Variants in MBD2 observed in about 807,000 individuals in gnomAD.
MBD2 encodes methyl-CpG-binding domain protein 2.
MBD2 carries 9 observed loss-of-function variants against 39.3 expected under a neutral mutation model. The ratio of observed to expected loss-of-function variants is 0.23; its 90% CI spans 0.14 to 0.40. MBD2 has a LOEUF of 0.40. Ranked by LOEUF, MBD2 falls within the 10% of genes least tolerant of loss-of-function variation. MBD2 has a pLI of 1.00. For synonymous variants in MBD2, 233 were observed against 211.1 expected (o/e 1.10, Z -0.90); for missense variants, 458 against 532.6 (o/e 0.86, Z 1.38).
intron 1 of MBD2, among the ~76,000 whole-genome samples, chr18:54,206,921 A>G (rs2086454666): frequency 6.6e-6 from 1 of 152,200 alleles, no homozygotes; most frequent in African/African-American, 2.4e-5. Context: ...ATCTCTGCCC[A>G]CCAGAGTTCC....
At chr18:54,223,002 C>T (rs1316047869) in intron 1 of MBD2, among the ~76,000 whole-genome samples, 3 of 152,188 alleles carry the variant, frequency 2.0e-5, no homozygotes, top group Non-Finnish European at 2.9e-5. Flanking sequence ...CAATTGTCTC[C>T]AATACCCATA....
chr18:54,177,162 AG>A (rs1202298650), intron 3 of MBD2, among the ~76,000 whole-genome samples: 2 of 152,330 alleles, frequency 1.3e-5, no homozygotes, highest in African/African-American at 4.8e-5. Context: ...TTGATACGCA[AG>A]TTCATATAGG....
At chr18:54,219,846 G>A (rs1568096352) in intron 1 of MBD2, among the ~76,000 whole-genome samples, 1 of 152,208 alleles carries the variant, frequency 6.6e-6, no homozygotes, top group African/African-American at 2.4e-5. Context: ...TGTCGCCCAG[G>A]CTGGAGTGCA....
chr18:54,205,023 C>A lies in MBD2; in HGVS notation c.677G>T (p.Arg226Leu). The stretch of plus-strand genomic sequence containing the variant: ...CTTATTTTGATTGAGAGGATCGTTT[C>A]GCAGTCTCTGTTTGTTCTTCTGTAA... The part of the protein sequence containing the change: ...SKLQKNKQRL[R>L]NDPLNQNKGK... The change falls in exon 2 of 7, where the codon CGA becomes CTA. Residue 226 changes from arginine to leucine, a missense_variant. Coordinates refer to ENST00000256429, the MANE Select transcript of MBD2 (RefSeq NM_003927.5). The A allele has an allele frequency of 6.2e-7, 1 of 1,613,676 alleles. No individual in the cohort carries two copies. Among genetic ancestry groups the A allele is most frequent in the Non-Finnish European group, 8.5e-7 (1 of 1,179,846 alleles).
intron 1 of MBD2, 72 bp downstream of exon 1, chr18:54,223,946 C>G: frequency 7.4e-7 from 1 of 1,344,202 alleles, no homozygotes; most frequent in Non-Finnish European, 1.0e-6. Context: ...CGCTCATCCT[C>G]TGCCCAGGCC....
intron 3 of MBD2, among the ~76,000 whole-genome samples, chr18:54,187,471 G>T (rs891406401): frequency 6.6e-6 from 1 of 152,186 alleles, no homozygotes. Flanking sequence ...ATCTGAGAAA[G>T]AATACAACCA....
chr18:54,187,423 A>G (rs2086293201), intron 3 of MBD2, among the ~76,000 whole-genome samples: 1 of 152,228 alleles, frequency 6.6e-6, no homozygotes, highest in Non-Finnish European at 1.5e-5. Flanking sequence ...TAAATCACCA[A>G]AAAGTCAAAG....
chr18:54,159,911 A>G lies in MBD2; in HGVS notation c.1110-8T>C, dbSNP rs1340795196. ...ACTCGCTCTTCCTGTTTCCTTTTTA[A>G]AAACAGAATAAAAAGGCACTGAGAA... On this transcript the variant is annotated splice_polypyrimidine_tract_variant and splice_region_variant and intron_variant, in intron 5 of 6. Transcript: ENST00000256429. 1.2e-6 allele frequency: 2 copies of G among 1,610,134 alleles called. No individual in the cohort carries two copies. The highest frequency in any genetic ancestry group is 1.7e-6 in the Non-Finnish European group (2 of 1,179,846).
chr18:54,197,343 G>T (rs188332569), intron 2 of MBD2, among the ~76,000 whole-genome samples: 25 of 152,286 alleles, frequency 1.6e-4, no homozygotes, highest in Admixed American at 1.4e-3. Context: ...CCTATTACCA[G>T]GCTTGCCTAC....
intron 5 of MBD2, among the ~76,000 whole-genome samples, chr18:54,161,507 C>T (rs2086098119): frequency 6.6e-6 from 1 of 152,234 alleles, no homozygotes; most frequent in Non-Finnish European, 1.5e-5. Flanking sequence ...CTGGCAGTCT[C>T]TCACTAATAA....
At chr18:54,222,583 C>T (rs1204669914) in intron 1 of MBD2, among the ~76,000 whole-genome samples, 25 of 152,214 alleles carry the variant, frequency 1.6e-4, no homozygotes, top group Non-Finnish European at 1.3e-4. Flanking sequence ...TTCTCTCGCC[C>T]CAGCCCCGTA....
At chr18:54,222,145 C>T (rs1463826330) in intron 1 of MBD2, 2 of 299,334 alleles carry the variant, frequency 6.7e-6, no homozygotes, top group Admixed American at 8.7e-5. Context: ...AGACAGCCTG[C>T]TTAGAAAGAA....
At chr18:54,193,517 G>A (rs1400272624) in intron 2 of MBD2, among the ~76,000 whole-genome samples, 2 of 152,034 alleles carry the variant, frequency 1.3e-5, no homozygotes, top group Non-Finnish European at 2.9e-5. Flanking sequence ...TAGTTGCAGG[G>A]AGGAACATAA....
rs1403415744 is a variant in MBD2, at chr18:54,224,360, G to A, written c.200C>T (p.Ala67Val). 5.1e-6 allele frequency: 6 copies of A among 1,170,248 alleles called. No individual in the cohort carries two copies. The highest frequency in any genetic ancestry group is 1.7e-5 in the African/African-American group (1 of 60,272). The allele number at this position is 1,170,248 out of a possible 1,614,324, so 72.5% of individuals were successfully genotyped here. Reference protein sequence around the residue: ...GGRGRGRWKQAGRGGGVCGRG... With the variant: ...GGRGRGRWKQVGRGGGVCGRG... ...GCCACAGACGCCGCCGCCCCGGCCC[G>A]CCTGCTTCCACCGCCCCCGGCCACG... Residue 67 changes from alanine to valine, a missense_variant, in exon 1 of 7, where the codon GCG becomes GTG. Ala to Val is a moderately conservative substitution (Grantham distance 64). Coordinates refer to ENST00000256429, the MANE Select transcript of MBD2 (RefSeq NM_003927.5).
rs1297535405 is a variant in MBD2 at position 54,224,265 on chromosome 18, T to C, written c.295A>G (p.Ser99Gly). ...TCGCCGCCAAGGCCGCTGCCGCCACTCGGGGGACGGCCGCGGCCCCGGCCC... is the reference window on the plus strand; with the variant it reads ...TCGCCGCCAAGGCCGCTGCCGCCACCCGGGGGACGGCCGCGGCCCCGGCCC... ...GRGRGRGRPP[S>G]GGSGLGGDGG... The change falls in exon 1 of 7, where the codon AGT (serine) becomes GGT (glycine). Residue 99 changes from serine to glycine, a missense_variant. This residue lies in a region of MBD2 where 269 missense variants were observed against 236.0 expected (regional missense o/e 1.14). Coordinates refer to ENST00000256429, the MANE Select transcript of MBD2 (RefSeq NM_003927.5). 4.3e-6 allele frequency: 4 copies of C among 935,164 alleles called. No homozygotes were observed. Among genetic ancestry groups the C allele is most frequent in the African/African-American group, 1.9e-5 (1 of 52,526 alleles). The allele number at this position is 935,164 out of a possible 1,614,324, so 57.9% of individuals were successfully genotyped here.
At chr18:54,220,060 C>T (rs1435586354) in intron 1 of MBD2, among the ~76,000 whole-genome samples, 1 of 152,202 alleles carries the variant, frequency 6.6e-6, no homozygotes, top group African/African-American at 2.4e-5. Flanking sequence ...CTCAGCCTCC[C>T]AAAGTGCTGG....
At chr18:54,166,025 G>A (rs753549271) in intron 4 of MBD2, 51 bp downstream of exon 4, 1 of 1,231,676 alleles carries the variant, frequency 8.1e-7, no homozygotes, top group East Asian at 2.3e-5. Flanking sequence ...AGAGTGCCTG[G>A]CATGCAGTAG....
intron 1 of MBD2, among the ~76,000 whole-genome samples, chr18:54,217,890 G>C (rs970461570): frequency 6.6e-6 from 1 of 152,190 alleles, no homozygotes; most frequent in Non-Finnish European, 1.5e-5. Flanking sequence ...AGACAGCAAT[G>C]CTGCACCCTA....
chr18:54,166,026 C>A (rs1384517196), intron 4 of MBD2, 50 bp downstream of exon 4: 43 of 1,246,452 alleles, frequency 3.4e-5, no homozygotes, highest in Non-Finnish European at 5.0e-5. Context: ...GAGTGCCTGG[C>A]ATGCAGTAGG....
Sources: gnomAD v4.1 joint callset for allele counts (sites outside exome capture counted in the v4.1 genomes callset) on GRCh38, gnomAD v4.1.1 for gene constraint, gnomAD v4.1.1 regional missense constraint, MANE v1.5 for transcripts, NCBI Gene and HGNC (gene_info 2026-07-23, HGNC 2026-07-21) for gene names.